Variants in RIMKLA observed in about 807,000 individuals in gnomAD.
RIMKLA encodes ribosomal modification protein rimK like family member A.
A neutral mutation model predicts 32.7 loss-of-function variants in RIMKLA; 14 were observed. That is an observed-to-expected ratio of 0.43 (90% CI 0.28 to 0.67). The LOEUF (loss-of-function observed/expected upper bound fraction) is 0.67, where lower values mean the gene tolerates loss of function less well. RIMKLA is among the 30% of genes least tolerant of loss of function. The probability of loss-of-function intolerance (pLI) is 0.18; values close to 1 mark genes in which losing one functional copy is unlikely to be tolerated. For synonymous variants in RIMKLA, 176 were observed against 204.1 expected (o/e 0.86, Z 1.18); for missense variants, 410 against 519.0 (o/e 0.79, Z 2.04).
intron 1 of RIMKLA, among the ~76,000 whole-genome samples, chr1:42,382,613 G>A (rs1259744485): frequency 6.6e-6 from 1 of 152,142 alleles, no homozygotes; most frequent in Non-Finnish European, 1.5e-5. Context: ...TTGTAAAGAT[G>A]TCTCTTTTTT....
At chr1:42,386,777 C>T (rs1012456732) in intron 1 of RIMKLA, among the ~76,000 whole-genome samples, 5 of 151,482 alleles carry the variant, frequency 3.3e-5, no homozygotes, top group East Asian at 1.9e-4. Flanking sequence ...TCCAGCTACT[C>T]GGGAGGCTGA....
intron 4 of RIMKLA, chr1:42,412,814 G>A (rs1358327560): frequency 1.2e-5 from 3 of 256,986 alleles, no homozygotes; most frequent in South Asian, 3.5e-5. Context: ...ACAGAAAGAC[G>A]GAAGAAGGAG....
chr1:42,412,661 G>T, intron 4 of RIMKLA: 1 of 494,610 alleles, frequency 2.0e-6, no homozygotes, highest in South Asian at 1.5e-5. Flanking sequence ...ATTTGCCAAC[G>T]TAACTATGCT....
At chr1:42,390,102 A>G (rs1007481939) in intron 1 of RIMKLA, among the ~76,000 whole-genome samples, 23 of 136,102 alleles carry the variant, frequency 1.7e-4, no homozygotes, top group African/African-American at 5.4e-4. Context: ...CAGTGGTGCG[A>G]TCTCAGCTCG....
chr1:42,405,072 C>T (rs994894456), intron 3 of RIMKLA, among the ~76,000 whole-genome samples: 5 of 152,148 alleles, frequency 3.3e-5, no homozygotes, highest in East Asian at 1.9e-4. Context: ...CCAAGTAGAC[C>T]GTGCATTTTC....
intron 1 of RIMKLA, 38 bp from the exon 2 acceptor site, chr1:42,399,366 T>C (rs1312002636): frequency 4.9e-6 from 7 of 1,422,574 alleles, no homozygotes; most frequent in Non-Finnish European, 6.8e-6. Context: ...GACTAAACGA[T>C]AGCAGGCACA....
Position 42,402,671 on chromosome 1 carries a change from G to C in RIMKLA, c.395-1840G>C, listed in dbSNP as rs1244265103. Among the ~76,000 whole-genome samples the C allele has an allele frequency of 4.0e-5, 6 of 150,768 alleles. No individual in the cohort carries two copies. In the South Asian group the frequency reaches 1.3e-3, roughly 31 times the overall value. On this transcript the variant is annotated intron_variant, in intron 2 of 4. Transcript: ENST00000431473. ...AGTGGCATGATTGTGGCTCACTGCA[G>C]CCTCGACCTCCTGGGCTCAACTGAT...
intron 3 of RIMKLA, among the ~76,000 whole-genome samples, chr1:42,409,162 A>T (rs1422492080): frequency 7.6e-6 from 1 of 131,024 alleles, no homozygotes; most frequent in Non-Finnish European, 1.6e-5. Flanking sequence ...AGATCGCGCC[A>T]CTGCACTATA....
Position 42,422,671 on chromosome 1 carries a change from T to C in RIMKLA, c.*7697T>C, listed in dbSNP as rs993585683. ...CACATGCTGAATCTACATTTTATTA[T>C]TTTCATATCATAAAATGAGGAAGAG... On this transcript the variant is annotated 3_prime_UTR_variant, in exon 5 of 5. Coordinates refer to ENST00000431473, the MANE Select transcript of RIMKLA (RefSeq NM_173642.4). 6.6e-6 allele frequency: 1 copy of C among 152,236 alleles called. No homozygotes were observed. The highest frequency in any genetic ancestry group is 1.5e-5 in the Non-Finnish European group (1 of 68,048). The allele number at this position is 152,236 out of a possible 1,614,324, so 9.4% of individuals were successfully genotyped here. A position where few individuals can be genotyped will look rare whatever the true frequency, so the allele number is the denominator to read the frequency against.
rs141212358 is a variant in RIMKLA at position 42,383,032 on chromosome 1, A to G, written c.163+1935A>G. Among the ~76,000 whole-genome samples the G allele has an allele frequency of 5.2e-3, 761 of 146,444 alleles. 9 individuals carry two copies. Among genetic ancestry groups the G allele is most frequent in the African/African-American group, 0.017 (685 of 39,652 alleles). On this transcript the variant is annotated intron_variant, in intron 1 of 4. Coordinates refer to ENST00000431473, the MANE Select transcript of RIMKLA (RefSeq NM_173642.4). ...GCCACTACTTTTTTTTTTAATTTTT[A>G]TTTTATTTATTTATTTATTTATTTA...
At chr1:42,409,876 A>T in intron 3 of RIMKLA, 108 bp from the exon 4 acceptor site, 1 of 825,864 alleles carries the variant, frequency 1.2e-6, no homozygotes, top group Non-Finnish European at 2.0e-6. Flanking sequence ...GACCAAAGTG[A>T]GGCAAGTTTA....
Position 42,381,010 on chromosome 1 carries a change from C to T in RIMKLA, c.76C>T (p.Leu26Phe). Reference protein sequence around the residue: ...DYPQVQILRALRQRCSEQDVR... With the variant: ...DYPQVQILRAFRQRCSEQDVR... ...CCCGCAGGTGCAGATCCTGCGCGCC[C>T]TCCGGCAGCGCTGCTCCGAGCAGGA... The change falls in exon 1 of 5, where the codon CTC becomes TTC. Residue 26 changes from leucine (L) to phenylalanine (F), a missense_variant. Coordinates refer to ENST00000431473, the MANE Select transcript of RIMKLA (RefSeq NM_173642.4). The T allele has an allele frequency of 7.0e-7, 1 of 1,432,410 alleles. No homozygotes were observed. The highest frequency in any genetic ancestry group is 3.0e-5 in the East Asian group (1 of 33,026). 88.7% of individuals were successfully genotyped at this position (1,432,410 alleles called of 1,614,324 possible). A position where few individuals can be genotyped will look rare whatever the true frequency, so the allele number is the denominator to read the frequency against.
rs113077147 is a variant in RIMKLA, at chr1:42,402,852, G to A, written c.395-1659G>A. On this transcript the variant is annotated intron_variant, in intron 2 of 4. Transcript: ENST00000431473. The stretch of plus-strand genomic sequence containing the variant: ...GCAGTCCGCCCACCTCGGCGCCCAC[G>A]AAGTGCTGGGATTCCAGGCATGAGC... Among the ~76,000 whole-genome samples the A allele has an allele frequency of 1.2e-4, 19 of 152,166 alleles. 2 individuals are homozygous for A. Among genetic ancestry groups the A allele is most frequent in the African/African-American group, 3.6e-4 (15 of 41,526 alleles).
In RIMKLA at chr1:42,381,496, A is replaced by G. The variant is rs540213610; in HGVS notation, c.163+399A>G. Among the ~76,000 whole-genome samples, 4 of 152,322 alleles carry G rather than the reference A, an allele frequency of 2.6e-5. No homozygotes were observed. The South Asian group carries it at 8.3e-4, about 32-fold the overall frequency. On this transcript the variant is annotated intron_variant, in intron 1 of 4. Coordinates refer to ENST00000431473, the MANE Select transcript of RIMKLA (RefSeq NM_173642.4). ...TCCACACCAGATTTACAAAATTACT[A>G]TTAAGATGACTGTTTTAAAAAAGTT...
chr1:42,401,438 G>A lies in RIMKLA; in HGVS notation c.394+1804G>A, dbSNP rs534749117. Reference sequence around the variant, plus strand: ...ATTGCCAGCCCGGATGACAGAATGAGACTCCATGTCTAAAAAAAAAAGGAA... The same window carrying A: ...ATTGCCAGCCCGGATGACAGAATGAAACTCCATGTCTAAAAAAAAAAGGAA... On this transcript the variant is annotated intron_variant, in intron 2 of 4. Coordinates refer to ENST00000431473, the MANE Select transcript of RIMKLA (RefSeq NM_173642.4). 1.9e-4 allele frequency among the ~76,000 whole-genome samples: 24 copies of A among 125,890 alleles called. No individual in the cohort carries two copies. The South Asian group carries it at 4.9e-3, about 25-fold the overall frequency. 82.6% of individuals were successfully genotyped at this position (125,890 alleles called of 152,430 possible). A position where few individuals can be genotyped will look rare whatever the true frequency, so the allele number is the denominator to read the frequency against.
intron 4 of RIMKLA, among the ~76,000 whole-genome samples, chr1:42,410,720 G>T (rs1643190181): frequency 6.6e-6 from 1 of 152,070 alleles, no homozygotes; most frequent in Non-Finnish European, 1.5e-5. Flanking sequence ...GATAAAGTTT[G>T]TTATCTGTTG....
chr1:42,388,405 A>G lies in RIMKLA; in HGVS notation c.163+7308A>G, dbSNP rs151219714. 3.8e-3 allele frequency among the ~76,000 whole-genome samples: 579 copies of G among 152,068 alleles called. 2 individuals carry two copies. The highest frequency in any genetic ancestry group is 0.013 in the African/African-American group (555 of 41,428). On this transcript the variant is annotated intron_variant, in intron 1 of 4. Transcript: ENST00000431473. Reference sequence around the variant, plus strand: ...TTTTTGGTAAAGACAGGGTTTTGCCACGTTGTTCAGGCTGGTCTTGAACTG... The same window carrying G: ...TTTTTGGTAAAGACAGGGTTTTGCCGCGTTGTTCAGGCTGGTCTTGAACTG...
intron 1 of RIMKLA, among the ~76,000 whole-genome samples, chr1:42,383,165 C>T (rs1429793418): frequency 3.9e-5 from 6 of 152,054 alleles, no homozygotes; most frequent in African/African-American, 1.2e-4. Flanking sequence ...GGATTACAGG[C>T]GTGAGCCACC....
At position 42,414,650 on chromosome 1, in the gene RIMKLA, C is replaced by T. The variant is rs755081859; in HGVS notation, c.852C>T (p.Asp284=). 18 of 1,614,042 alleles carry T rather than the reference C, an allele frequency of 1.1e-5. No individual in the cohort carries two copies. The Admixed American group carries it at 3.0e-4, about 27-fold the overall frequency. Residue 284 remains aspartate, a synonymous_variant, in exon 5 of 5, where the codon GAC becomes GAT. Coordinates refer to ENST00000431473, the MANE Select transcript of RIMKLA (RefSeq NM_173642.4). ...CTAATGTTGGCTTCCTAGCCTTTGACCAGGCATGCAACTTAGATGTGGGTG... is the reference window on the plus strand; with the variant it reads ...CTAATGTTGGCTTCCTAGCCTTTGATCAGGCATGCAACTTAGATGTGGGTG... The part of the protein sequence containing the change: ...ANANVGFLAF[D]QACNLDVGGI...
Sources: gnomAD v4.1 joint callset for allele counts (sites outside exome capture counted in the v4.1 genomes callset) on GRCh38, gnomAD v4.1.1 for gene constraint, MANE v1.5 for transcripts, NCBI Gene and HGNC (gene_info 2026-07-23, HGNC 2026-07-21) for gene names.